The following BCL7C variants were observed in gnomAD, a reference collection of about 807,000 sequenced individuals.
BCL7C encodes B-cell CLL/lymphoma 7 protein family member C.
Under a neutral mutation model 26.2 loss-of-function variants are expected in BCL7C, and 8 were observed. The ratio of observed to expected loss-of-function variants is 0.30; its 90% CI spans 0.18 to 0.55. The LOEUF is 0.55. Among genes scored for constraint, BCL7C ranks in the 20% least tolerant of loss-of-function variants. The pLI, the probability that BCL7C is intolerant of heterozygous loss-of-function variation, is 0.93. For synonymous variants in BCL7C, 90 were observed against 116.5 expected (o/e 0.77, Z 1.47); for missense variants, 262 against 298.5 (o/e 0.88, Z 0.90).
At chr16:30,885,767 T>TA (rs1490989901), downstream of BCL7C, among the ~76,000 whole-genome samples, 1 of 152,156 alleles carries the variant, frequency 6.6e-6, no homozygotes, top group East Asian at 1.9e-4. Flanking sequence ...AAGAAACAGT[T>TA]ACACTACATT....
intron 5 of BCL7C, among the ~76,000 whole-genome samples, chr16:30,848,869 G>A (rs1421571849): frequency 6.8e-6 from 1 of 146,316 alleles, no homozygotes; most frequent in Non-Finnish European, 1.5e-5. Flanking sequence ...TCCAGCCTGG[G>A]TGACAAAGTG....
chr16:30,838,461 GA>G (rs1567306546), intron 5 of BCL7C, among the ~76,000 whole-genome samples: 1 of 152,188 alleles, frequency 6.6e-6, no homozygotes, highest in African/African-American at 2.4e-5. Flanking sequence ...CTCCTTGGAG[GA>G]TTTTGGATAT....
chr16:30,850,562 A>G (rs957709133), intron 5 of BCL7C, among the ~76,000 whole-genome samples: 3 of 152,224 alleles, frequency 2.0e-5, no homozygotes, highest in African/African-American at 7.2e-5. Context: ...ACAGATCTGT[A>G]CAGCATGTTA....
intron 5 of BCL7C, among the ~76,000 whole-genome samples, chr16:30,853,893 T>C (rs2054698042): frequency 6.6e-6 from 1 of 152,220 alleles, no homozygotes; most frequent in Admixed American, 6.5e-5. Flanking sequence ...GCTTTATTGA[T>C]TTTTGAAACC....
In BCL7C at chr16:30,893,840, G is replaced by A. The variant is rs2055300036; in HGVS notation, c.92+13C>T. 8 of 1,599,302 alleles carry A rather than the reference G, an allele frequency of 5.0e-6. No individual in the cohort carries two copies. The highest frequency in any genetic ancestry group is 6.8e-6 in the Non-Finnish European group (8 of 1,177,844). ...CCGCTGTGTCCCGTCCCTGGCCCCC[G>A]AGCAGCGCTCACCATCTCCGGACCT... On this transcript the variant is annotated intron_variant, in intron 1 of 5. Transcript: ENST00000215115. This position sits in a 1 kb window ranked among gnomAD's most constrained non-coding sequence, Gnocchi z 5.2.
chr16:30,845,877 C>G (rs1029250524), intron 5 of BCL7C, among the ~76,000 whole-genome samples: 3 of 151,864 alleles, frequency 2.0e-5, no homozygotes, highest in African/African-American at 7.2e-5. Context: ...GAGGCCGAGA[C>G]AGGCGGATCA....
chr16:30,853,060 C>T (rs984511367), intron 5 of BCL7C, among the ~76,000 whole-genome samples: 5 of 151,894 alleles, frequency 3.3e-5, no homozygotes, highest in South Asian at 2.1e-4. Context: ...CTCTGCCTCC[C>T]GAGTAGCTGG....
At chr16:30,877,442 ATTTT>A (rs66607719) in intron 5 of BCL7C, among the ~76,000 whole-genome samples, 1 of 140,706 alleles carries the variant, frequency 7.1e-6, no homozygotes. Context: ...CTGAGTCCAG[ATTTT>A]TTTTTTTTTT....
chr16:30,881,332 G>C (rs1192317578), intron 5 of BCL7C, among the ~76,000 whole-genome samples: 1 of 151,638 alleles, frequency 6.6e-6, no homozygotes, highest in African/African-American at 2.4e-5. Context: ...GGGGGCAGTG[G>C]TTGCAGTGAG....
intron 5 of BCL7C, among the ~76,000 whole-genome samples, chr16:30,873,158 T>C (rs1209191769): frequency 2.6e-5 from 4 of 152,170 alleles, no homozygotes; most frequent in Admixed American, 6.5e-5. Context: ...TAAAAATAGA[T>C]ACAATAAAAC....
intron 4 of BCL7C, among the ~76,000 whole-genome samples, chr16:30,891,204 C>T (rs748514637): frequency 3.3e-4 from 49 of 147,110 alleles, no homozygotes; most frequent in Non-Finnish European, 5.6e-4. Context: ...CGTGGTGGCT[C>T]GTAATCCCAG....
chr16:30,880,957 C>T (rs1415664719), intron 5 of BCL7C, among the ~76,000 whole-genome samples: 3 of 152,086 alleles, frequency 2.0e-5, no homozygotes, highest in Non-Finnish European at 4.4e-5. Context: ...CTGCCTTGGC[C>T]TCCCAGTGAG....
At position 30,888,911 on chromosome 16, in the gene BCL7C, T is replaced by C. The variant is rs1278415431; in HGVS notation, c.477A>G (p.Glu159=). The C allele has an allele frequency of 1.2e-6, 2 of 1,613,942 alleles. No homozygotes were observed. Among genetic ancestry groups the C allele is most frequent in the Non-Finnish European group, 1.7e-6 (2 of 1,179,940 alleles). ...PGGITAGSTD[E]PPMLTKEEPV... ...GCTCCTCCTTGGTCAGCATTGGGGG[T>C]TCGTCGGTGCTGCCAGCAGTTATGC... is the stretch of plus-strand genomic sequence containing the variant. The change falls in exon 5 of 6, where the codon GAA becomes GAG. Residue 159 remains glutamate, a synonymous_variant. Coordinates refer to ENST00000215115, the MANE Select transcript of BCL7C (RefSeq NM_004765.4).
intron 5 of BCL7C, among the ~76,000 whole-genome samples, chr16:30,855,705 G>C (rs2054714508): frequency 6.6e-6 from 1 of 152,030 alleles, no homozygotes. Flanking sequence ...CAAGAGGATC[G>C]CTTGAGCCCA....
chr16:30,869,196 C>T (rs2054860169), intron 5 of BCL7C, among the ~76,000 whole-genome samples: 1 of 151,988 alleles, frequency 6.6e-6, no homozygotes, highest in Non-Finnish European at 1.5e-5. Context: ...CTCTCTGAGC[C>T]TATAGCCTTC....
At chr16:30,858,776 A>G (rs1340540827) in intron 5 of BCL7C, among the ~76,000 whole-genome samples, 2 of 152,190 alleles carry the variant, frequency 1.3e-5, no homozygotes, top group Admixed American at 6.5e-5. Flanking sequence ...AGGAGCCCCA[A>G]AAGAAGAGAA....
At position 30,892,871 on chromosome 16, in the gene BCL7C, C is replaced by T. The variant is rs753728645; in HGVS notation, c.249G>A (p.Gly83=). 2.7e-5 allele frequency: 44 copies of T among 1,612,968 alleles called. No individual in the cohort carries two copies. Among genetic ancestry groups the T allele is most frequent in the Middle Eastern group, 1.6e-4 (1 of 6,084 alleles). ...GATCCAGCAGGATGAGAGGGCCACC[C>T]CCTCGGGGACTGGCGCCCCTGCCCC... is the stretch of plus-strand genomic sequence containing the variant. ...ERRGRGASPR[G]GGPLILLDLN... is the part of the protein sequence containing the mutation. The change falls in exon 3 of 6, where the codon GGG becomes GGA. Residue 83 remains glycine, a synonymous_variant. Transcript: ENST00000215115.
intron 5 of BCL7C, among the ~76,000 whole-genome samples, chr16:30,878,319 A>G (rs2054985613): frequency 6.6e-6 from 1 of 151,960 alleles, no homozygotes; most frequent in Non-Finnish European, 1.5e-5. Flanking sequence ...TCACAAGGTC[A>G]GGAGATTGAG....
chr16:30,893,785 G>T lies in BCL7C; in HGVS notation c.92+68C>A. 7.0e-7 allele frequency: 1 copy of T among 1,426,002 alleles called. No individual in the cohort carries two copies. The highest frequency in any genetic ancestry group is 9.7e-7 in the Non-Finnish European group (1 of 1,027,122). The allele number at this position is 1,426,002 out of a possible 1,614,324, so 88.3% of individuals were successfully genotyped here. A position where few individuals can be genotyped will look rare whatever the true frequency, so the allele number is the denominator to read the frequency against. On this transcript the variant is annotated intron_variant, in intron 1 of 5. Coordinates refer to ENST00000215115, the MANE Select transcript of BCL7C (RefSeq NM_004765.4). This position sits in a 1 kb window ranked among gnomAD's most constrained non-coding sequence, Gnocchi z 5.2. ...CACCCGGGGCCCAGAGCTGGCGAGG[G>T]CAGCGTAGACGCCTTTGGTGCTGGT...
Sources: allele counts gnomAD v4.1 joint callset (sites outside exome capture counted in the v4.1 genomes callset), GRCh38; gene constraint gnomAD v4.1.1; non-coding constraint Gnocchi (gnomAD v3.1); transcripts MANE v1.5; gene names NCBI Gene and HGNC (gene_info 2026-07-23, HGNC 2026-07-21).